The following HDGFL3 variants were observed in gnomAD, a reference collection of about 807,000 sequenced individuals.
The protein encoded by HDGFL3 is hepatoma-derived growth factor-related protein 3.
HDGFL3 carries 6 observed loss-of-function variants against 27.6 expected under a neutral mutation model. The ratio of observed to expected loss-of-function variants is 0.22; its 90% CI spans 0.12 to 0.43. The LOEUF (loss-of-function observed/expected upper bound fraction) is 0.43. Ranked by LOEUF, HDGFL3 falls within the 20% of genes least tolerant of loss-of-function variation. HDGFL3 has a pLI of 1.00. For synonymous variants in HDGFL3, 88 were observed against 88.9 expected (o/e 0.99, Z 0.05); for missense variants, 207 against 250.1 (o/e 0.83, Z 1.16).
rs931053911 is a variant in HDGFL3 at position 83,178,499 on chromosome 15, TACA to T, written c.85-14427_85-14425del. ...GGGCAACACAGGCAGACCCCATCTC[TACA>T]ACAACAATAAAATTAGCCAGGTGTG... On this transcript the variant is annotated intron_variant, in intron 1 of 5. Transcript: ENST00000299633. Among the ~76,000 whole-genome samples, 13 of 152,082 alleles carry T rather than the reference TACA, an allele frequency of 8.5e-5. No homozygotes were observed. The South Asian group carries it at 2.1e-3, about 24-fold the overall frequency.
intron 1 of HDGFL3, among the ~76,000 whole-genome samples, chr15:83,175,080 CTGAAGA>C (rs2037292094): frequency 6.6e-6 from 1 of 152,212 alleles, no homozygotes; most frequent in African/African-American, 2.4e-5. Context: ...TAACAATTAG[CTGAAGA>C]TGGTCAACCA....
At chr15:83,195,488 CAT>C (rs1310903687) in intron 1 of HDGFL3, among the ~76,000 whole-genome samples, 3 of 151,970 alleles carry the variant, frequency 2.0e-5, no homozygotes, top group Non-Finnish European at 4.4e-5. Flanking sequence ...CCTCTATGTA[CAT>C]GTTTCTGTTC....
chr15:83,199,749 T>C (rs1596570308), intron 1 of HDGFL3, among the ~76,000 whole-genome samples: 2 of 152,094 alleles, frequency 1.3e-5, no homozygotes, highest in East Asian at 3.9e-4. Context: ...CTTCCAGAAA[T>C]GGCCTATCAC....
chr15:83,169,789 G>A (rs1219775671), intron 1 of HDGFL3, among the ~76,000 whole-genome samples: 1 of 152,126 alleles, frequency 6.6e-6, no homozygotes, highest in Non-Finnish European at 1.5e-5. Flanking sequence ...GACAGAGCAA[G>A]AGTCCATCTC....
In HDGFL3 at chr15:83,164,007, G is replaced by A. The variant is rs2037132213; in HGVS notation, c.153C>T (p.Thr51=). The part of the protein sequence containing the change: ...ANKYPIFFFG[T]HETAFLGPKD... ...TATTTTTGCTAACTTACGTTTCATG[G>A]GTGCCAAAAAAGAAGATAGGATACT... Residue 51 remains threonine, a synonymous_variant, in exon 2 of 6, where the codon ACC becomes ACT. Transcript: ENST00000299633. The A allele has an allele frequency of 6.2e-7, 1 of 1,611,524 alleles. No homozygotes were observed. Among genetic ancestry groups the A allele is most frequent in the Non-Finnish European group, 8.5e-7 (1 of 1,178,578 alleles).
At chr15:83,189,388 C>G (rs1419182903) in intron 1 of HDGFL3, 1 of 152,354 alleles carries the variant, frequency 6.6e-6, no homozygotes, top group Non-Finnish European at 1.5e-5. Flanking sequence ...CCTTCTCCCC[C>G]AGGTCCTAGC....
At chr15:83,116,040 G>T in intron 3 of HDGFL3, 1 of 940,052 alleles carries the variant, frequency 1.1e-6, no homozygotes, top group Admixed American at 2.0e-5. Context: ...GTGTGAACAG[G>T]TACGCTACGC....
intron 1 of HDGFL3, among the ~76,000 whole-genome samples, chr15:83,176,041 G>A (rs186613393): frequency 2.0e-5 from 3 of 152,322 alleles, no homozygotes; most frequent in African/African-American, 7.2e-5. Flanking sequence ...GATGCAGCAT[G>A]GCAAAGAATC....
At chr15:83,199,893 A>G (rs1273062977) in intron 1 of HDGFL3, among the ~76,000 whole-genome samples, 1 of 151,750 alleles carries the variant, frequency 6.6e-6, no homozygotes, top group African/African-American at 2.4e-5. Context: ...ATACAAAAAA[A>G]AAATTAGCCG....
chr15:83,183,698 C>A (rs1204459219), intron 1 of HDGFL3, among the ~76,000 whole-genome samples: 1 of 150,650 alleles, frequency 6.6e-6, no homozygotes, highest in Non-Finnish European at 1.5e-5. Context: ...GGTTGCAGTG[C>A]AGTAAGCAGA....
intron 5 of HDGFL3, among the ~76,000 whole-genome samples, chr15:83,139,520 G>A (rs2036725448): frequency 6.6e-6 from 1 of 152,130 alleles, no homozygotes; most frequent in African/African-American, 2.4e-5. Flanking sequence ...TATAAACCTT[G>A]TCTACTGTCT....
intron 1 of HDGFL3, among the ~76,000 whole-genome samples, chr15:83,164,868 TTC>T (rs748947744): frequency 2.0e-5 from 3 of 152,258 alleles, no homozygotes; most frequent in Non-Finnish European, 4.4e-5. Context: ...CCTGTCACTT[TTC>T]TCTCCTCATG....
At chr15:83,172,411 T>C (rs2037256904) in intron 1 of HDGFL3, among the ~76,000 whole-genome samples, 1 of 152,196 alleles carries the variant, frequency 6.6e-6, no homozygotes, top group Non-Finnish European at 1.5e-5. Context: ...AATCCATATA[T>C]ACCTTTTGAC....
In HDGFL3 at chr15:83,129,241, C is replaced by T. The variant is rs770713502; in HGVS notation, c.*10029G>A. On this transcript the variant is annotated 3_prime_UTR_variant, in exon 6 of 6. Coordinates refer to ENST00000299633, the MANE Select transcript of HDGFL3 (RefSeq NM_016073.4). ...ACCTTACTTCATGCCAGGCAAACCA[C>T]GTTAAAAGTTTTACTTACCTATTTG... 1 of 152,180 alleles carries T rather than the reference C, an allele frequency of 6.6e-6. No individual in the cohort carries two copies. Among genetic ancestry groups the T allele is most frequent in the East Asian group, 1.9e-4 (1 of 5,204 alleles). 9.4% of individuals were successfully genotyped at this position (152,180 alleles called of 1,614,324 possible). A position where few individuals can be genotyped will look rare whatever the true frequency, so the allele number is the denominator to read the frequency against.
In HDGFL3 at chr15:83,198,054, C is replaced by CAAAAAAA. The variant is rs766372255; in HGVS notation, c.84+9270_84+9276dup. Among the ~76,000 whole-genome samples the CAAAAAAA allele has an allele frequency of 7.2e-3, 413 of 57,414 alleles. 34 individuals are homozygous for CAAAAAAA. Among genetic ancestry groups the CAAAAAAA allele is most frequent in the African/African-American group, 0.019 (199 of 10,434 alleles). The allele number at this position is 57,414 out of a possible 152,430, so 37.7% of individuals were successfully genotyped here. Reference sequence around the variant, plus strand: ...GGGGTGACAGAGAGAGACTCCGTCTCAAAAAAAAAAAAAAAAAAAAGAAGC... The same window carrying CAAAAAAA: ...GGGGTGACAGAGAGAGACTCCGTCTCAAAAAAAAAAAAAAAAAAAAAAAAAAAGAAGC... On this transcript the variant is annotated intron_variant, in intron 1 of 5. Coordinates refer to ENST00000299633, the MANE Select transcript of HDGFL3 (RefSeq NM_016073.4).
At chr15:83,119,393 C>T (rs143888609) in intron 3 of HDGFL3, among the ~76,000 whole-genome samples, 1 of 152,192 alleles carries the variant, frequency 6.6e-6, no homozygotes, top group African/African-American at 2.4e-5. Flanking sequence ...GTGGCCAGAC[C>T]CTGGTTTTGG....
At chr15:83,176,524 G>C (rs975623477) in intron 1 of HDGFL3, among the ~76,000 whole-genome samples, 1 of 152,098 alleles carries the variant, frequency 6.6e-6, no homozygotes, top group African/African-American at 2.4e-5. Flanking sequence ...CCATGGACTG[G>C]AGCCCGTGGG....
At position 83,207,533 on chromosome 15, in the gene HDGFL3, G is replaced by C. The variant is rs1350596873; in HGVS notation, c.-119C>G. ...CGGGCCTCAAGCCGGGCGGACGAGCGGCCGCTCCGACGAGGGGAAGCGGCG... is the reference window on the plus strand; with the variant it reads ...CGGGCCTCAAGCCGGGCGGACGAGCCGCCGCTCCGACGAGGGGAAGCGGCG... On this transcript the variant is annotated 5_prime_UTR_variant, in exon 1 of 6. Coordinates refer to ENST00000299633, the MANE Select transcript of HDGFL3 (RefSeq NM_016073.4). This position sits in a 1 kb window ranked among gnomAD's most constrained non-coding sequence, Gnocchi z 4.8. The C allele has an allele frequency of 2.6e-6, 2 of 761,202 alleles. No homozygotes were observed. The highest frequency in any genetic ancestry group is 3.6e-6 in the Non-Finnish European group (2 of 560,760). The allele number at this position is 761,202 out of a possible 1,614,324, so 47.2% of individuals were successfully genotyped here.
chr15:83,112,938 A>G, exon 4 of HDGFL3: 1 of 1,460,642 alleles, frequency 6.8e-7, no homozygotes, highest in Middle Eastern at 1.7e-4. Context: ...GTATCTGATT[A>G]ATAACACAAT....
Sources: gnomAD v4.1 joint callset for allele counts (sites outside exome capture counted in the v4.1 genomes callset) on GRCh38, gnomAD v4.1.1 for gene constraint, Gnocchi (gnomAD v3.1) non-coding constraint, MANE v1.5 for transcripts, NCBI Gene and HGNC (gene_info 2026-07-23, HGNC 2026-07-21) for gene names.